Variants in ATP6V0E1 observed in about 807,000 individuals in gnomAD.
ATP6V0E1 encodes V-type proton ATPase subunit e 1.
A neutral mutation model predicts 11.6 loss-of-function variants in ATP6V0E1; 4 were observed. The ratio of observed to expected loss-of-function variants is 0.35; its 90% CI spans 0.17 to 0.79. The LOEUF is 0.79. Among genes scored for constraint, ATP6V0E1 ranks in the 30% least tolerant of loss-of-function variants. The pLI, the probability that ATP6V0E1 is intolerant of heterozygous loss-of-function variation, is 0.54. For missense variants in ATP6V0E1, 105 were observed against 100.0 expected (o/e 1.05, Z -0.21); for synonymous variants, 36 against 34.8 (o/e 1.04, Z -0.13).
chr5:173,015,571 T>C (rs1756387962), intron 2 of ATP6V0E1, among the ~76,000 whole-genome samples: 1 of 152,076 alleles, frequency 6.6e-6, no homozygotes, highest in Non-Finnish European at 1.5e-5. Flanking sequence ...GCCTACACAA[T>C]GAAGCTTCCA....
intron 2 of ATP6V0E1, 24 bp from the exon 3 acceptor site, chr5:173,020,214 G>C (rs747699503): frequency 2.5e-6 from 4 of 1,579,040 alleles, no homozygotes; most frequent in East Asian, 4.5e-5. Flanking sequence ...CCGCTTCGTT[G>C]TTTCTCTCCC....
At chr5:173,009,883 C>G (rs1314560335) in intron 2 of ATP6V0E1, among the ~76,000 whole-genome samples, 1 of 151,840 alleles carries the variant, frequency 6.6e-6, no homozygotes, top group Non-Finnish European at 1.5e-5. Context: ...CCTGCCTCAG[C>G]CTCCTGAGTA....
intron 2 of ATP6V0E1, among the ~76,000 whole-genome samples, chr5:173,009,690 C>T (rs1266477895): frequency 6.6e-6 from 1 of 151,484 alleles, no homozygotes; most frequent in Admixed American, 6.6e-5. Context: ...CTCCCAACTC[C>T]TGACCTCTGG....
At chr5:172,995,719 A>G (rs917298027) in intron 2 of ATP6V0E1, among the ~76,000 whole-genome samples, 2 of 152,168 alleles carry the variant, frequency 1.3e-5, no homozygotes, top group Admixed American at 6.6e-5. Context: ...GGCTCAGGCG[A>G]TCCTCCTGCC....
chr5:173,030,779 C>T (rs34896941), intron 3 of ATP6V0E1, among the ~76,000 whole-genome samples: 134 of 151,926 alleles, frequency 8.8e-4, no homozygotes, highest in Non-Finnish European at 1.5e-3. Context: ...GATGGAATCT[C>T]GCTCTGTCAC....
chr5:172,996,448 G>C (rs1201958574), intron 2 of ATP6V0E1, among the ~76,000 whole-genome samples: 4 of 152,016 alleles, frequency 2.6e-5, no homozygotes, highest in Non-Finnish European at 5.9e-5. Context: ...TGTAGTCCCA[G>C]CTGCTCGGGA....
chr5:173,017,224 A>G (rs574838810), intron 2 of ATP6V0E1, among the ~76,000 whole-genome samples: 99 of 152,278 alleles, frequency 6.5e-4, no homozygotes, highest in Admixed American at 2.4e-3. Flanking sequence ...GTAGTGATAT[A>G]TCCACTTACC....
At chr5:173,012,673 G>C (rs1267102722) in intron 2 of ATP6V0E1, among the ~76,000 whole-genome samples, 1 of 151,454 alleles carries the variant, frequency 6.6e-6, no homozygotes, top group African/African-American at 2.4e-5. Context: ...AGAATCGCTT[G>C]AACCTGGGAG....
At chr5:173,011,347 G>GA (rs201331967) in intron 2 of ATP6V0E1, among the ~76,000 whole-genome samples, 1 of 151,604 alleles carries the variant, frequency 6.6e-6, no homozygotes, top group Non-Finnish European at 1.5e-5. Flanking sequence ...CTGGCTAATT[G>GA]AAAAAAAATT....
At chr5:173,017,022 T>TGGG (rs1414635250) in intron 2 of ATP6V0E1, among the ~76,000 whole-genome samples, 7 of 152,310 alleles carry the variant, frequency 4.6e-5, no homozygotes, top group African/African-American at 1.7e-4. Context: ...TCTGATATGG[T>TGGG]GCTGGCTAAT....
In ATP6V0E1 at chr5:173,011,390, C is replaced by T. The variant is rs573239973; in HGVS notation, c.153-8848C>T. Among the ~76,000 whole-genome samples the T allele has an allele frequency of 3.9e-5, 6 of 152,130 alleles. No homozygotes were observed. In the South Asian group the frequency reaches 1.0e-3, roughly 26 times the overall value. On this transcript the variant is annotated intron_variant, in intron 2 of 3. Transcript: ENST00000519374. Reference sequence around the variant, plus strand: ...ATAGAGACGGGGTCTCGCCATGTTGCTCAGGCTGGTCTTGAACTCATAGGC... The same window carrying T: ...ATAGAGACGGGGTCTCGCCATGTTGTTCAGGCTGGTCTTGAACTCATAGGC...
intron 2 of ATP6V0E1, among the ~76,000 whole-genome samples, chr5:173,008,598 C>T (rs547746810): frequency 1.0e-3 from 150 of 147,554 alleles, no homozygotes; most frequent in African/African-American, 3.4e-3. Context: ...CGTGCCCAGC[C>T]GAGTCCTTTT....
In ATP6V0E1 at chr5:173,034,667, C is replaced by T; in HGVS notation, c.*305C>T. 2 of 520,884 alleles carry T rather than the reference C, an allele frequency of 3.8e-6. No individual in the cohort carries two copies. The highest frequency in any genetic ancestry group is 6.9e-6 in the Non-Finnish European group (2 of 287,972). 32.3% of individuals were successfully genotyped at this position (520,884 alleles called of 1,614,324 possible). On this transcript the variant is annotated 3_prime_UTR_variant, in exon 4 of 4. Transcript: ENST00000519374. ...CTTCTGAGAGATACGTTACTCTCTC[C>T]TTGGAATCTGTGGATTTGAAGATGG...
At chr5:172,984,020 G>A in intron 1 of ATP6V0E1, 56 bp downstream of exon 1, 5 of 1,561,594 alleles carry the variant, frequency 3.2e-6, no homozygotes, top group Non-Finnish European at 4.4e-6. Context: ...TAGCAGGCCG[G>A]GGCGGGGAAA....
chr5:173,013,431 C>T lies in ATP6V0E1; in HGVS notation c.153-6807C>T, dbSNP rs370889994. On this transcript the variant is annotated intron_variant, in intron 2 of 3. Transcript: ENST00000519374. ...TCTACTAAAAATACAAAAAATTAACCAGGCGTAGTGGTGGGCGCCTGTAGT... is the reference window on the plus strand; with the variant it reads ...TCTACTAAAAATACAAAAAATTAACTAGGCGTAGTGGTGGGCGCCTGTAGT... 8.6e-5 allele frequency among the ~76,000 whole-genome samples: 13 copies of T among 151,510 alleles called. No homozygotes were observed. In the East Asian group the frequency reaches 2.1e-3, roughly 25 times the overall value.
At chr5:173,012,030 C>G (rs1270128192) in intron 2 of ATP6V0E1, among the ~76,000 whole-genome samples, 1 of 149,500 alleles carries the variant, frequency 6.7e-6, no homozygotes, top group African/African-American at 2.5e-5. Context: ...AGACTGTTTC[C>G]TAGGTAAATT....
At chr5:172,989,340 TA>T (rs79831440) in intron 1 of ATP6V0E1, among the ~76,000 whole-genome samples, 21 of 150,048 alleles carry the variant, frequency 1.4e-4, no homozygotes, top group East Asian at 7.8e-4. Flanking sequence ...CCCCATCCCT[TA>T]AAAAAAAAAT....
At chr5:172,993,115 A>G (rs1339050860) in intron 1 of ATP6V0E1, among the ~76,000 whole-genome samples, 4 of 152,102 alleles carry the variant, frequency 2.6e-5, no homozygotes, top group Non-Finnish European at 5.9e-5. Context: ...AGTGGTTTTT[A>G]TCTGTTTTGT....
At chr5:173,030,207 A>G (rs1412601622) in intron 3 of ATP6V0E1, among the ~76,000 whole-genome samples, 2 of 152,136 alleles carry the variant, frequency 1.3e-5, no homozygotes, top group African/African-American at 2.4e-5. Flanking sequence ...CATTTGGTAC[A>G]TTGCCTTGAA....
Sources: gnomAD v4.1 joint callset for allele counts (sites outside exome capture counted in the v4.1 genomes callset) on GRCh38, gnomAD v4.1.1 for gene constraint, MANE v1.5 for transcripts, NCBI Gene and HGNC (gene_info 2026-07-23, HGNC 2026-07-21) for gene names.